Variants in ARHGEF4 observed in about 807,000 individuals in gnomAD.
ARHGEF4 encodes APC-stimulated guanine nucleotide exchange factor 1.
In ARHGEF4, 119 loss-of-function variants were observed where a neutral mutation model predicts 162.0. That is an observed-to-expected ratio of 0.73 (90% confidence interval 0.63 to 0.86). The LOEUF is 0.86. ARHGEF4 is among the 40% of genes least tolerant of loss of function. The pLI, the probability that ARHGEF4 is intolerant of heterozygous loss-of-function variation, is 0.00. For missense variants in ARHGEF4, 2,488 were observed against 2,456.0 expected (o/e 1.01, Z -0.28); for synonymous variants, 1,014 against 979.9 (o/e 1.03, Z -0.65).
chr2:131,009,557 T>G (rs1573600982), intron 4 of ARHGEF4, among the ~76,000 whole-genome samples: 1 of 152,318 alleles, frequency 6.6e-6, no homozygotes, highest in South Asian at 2.1e-4. Context: ...TTTTTTCTCT[T>G]TTTCAAATTG....
At chr2:130,955,317 T>C (rs1361239395) in intron 4 of ARHGEF4, among the ~76,000 whole-genome samples, 1 of 152,194 alleles carries the variant, frequency 6.6e-6, no homozygotes, top group Non-Finnish European at 1.5e-5. Flanking sequence ...CCCCATTGTA[T>C]GGGTCAAACT....
At chr2:130,963,654 C>A (rs907573984) in intron 4 of ARHGEF4, 8 of 146,894 alleles carry the variant, frequency 5.4e-5, no homozygotes, top group African/African-American at 2.0e-4. Context: ...TCCAGGCCTG[C>A]GTGCGCGCGT....
intron 4 of ARHGEF4, among the ~76,000 whole-genome samples, chr2:131,017,745 A>T (rs941958103): frequency 5.3e-5 from 8 of 152,202 alleles, no homozygotes; most frequent in Admixed American, 4.6e-4. Context: ...AAATTATGTG[A>T]TGTCTGGGAC....
At chr2:130,884,230 A>G (rs1228834694) in intron 1 of ARHGEF4, among the ~76,000 whole-genome samples, 1 of 143,440 alleles carries the variant, frequency 7.0e-6, no homozygotes, top group Non-Finnish European at 1.5e-5. Context: ...AACTCAATTT[A>G]TACACACACA....
intron 4 of ARHGEF4, among the ~76,000 whole-genome samples, chr2:131,027,205 A>C (rs1273481605): frequency 5.3e-5 from 8 of 152,204 alleles, no homozygotes. Flanking sequence ...CTCGTACAAC[A>C]CAAGACTGTG....
chr2:130,908,409 G>A (rs897568011), intron 1 of ARHGEF4, among the ~76,000 whole-genome samples: 5 of 152,240 alleles, frequency 3.3e-5, no homozygotes, highest in Non-Finnish European at 7.3e-5. Context: ...AGGCGTGGTG[G>A]CTCACGCCTG....
In ARHGEF4 at chr2:130,883,979, A is replaced by C. The variant is rs141609083; in HGVS notation, c.40-30007A>C. Among the ~76,000 whole-genome samples, 24 of 152,258 alleles carry C rather than the reference A, an allele frequency of 1.6e-4. No individual in the cohort carries two copies. In the East Asian group the frequency reaches 1.9e-3, roughly 12 times the overall value. On this transcript the variant is annotated intron_variant, in intron 1 of 13. Coordinates refer to ENST00000409359, the MANE Select transcript of ARHGEF4 (RefSeq NM_001367493.1). ...TTTATGTAAAGTTCATGGAATAATGAAGTGCTCCATTAATATTAACTATCG... is the reference window on the plus strand; with the variant it reads ...TTTATGTAAAGTTCATGGAATAATGCAGTGCTCCATTAATATTAACTATCG...
intron 1 of ARHGEF4, among the ~76,000 whole-genome samples, chr2:130,874,053 C>T (rs1333988924): frequency 1.3e-5 from 2 of 151,972 alleles, no homozygotes; most frequent in Admixed American, 1.3e-4. Context: ...TCAATTCAAC[C>T]CTGGTTTTTC....
In ARHGEF4 at chr2:130,971,020, G is replaced by A. The variant is rs113132934; in HGVS notation, c.3985+24385G>A. 2.4e-3 allele frequency among the ~76,000 whole-genome samples: 358 copies of A among 152,164 alleles called. 2 individuals carry two copies. Among genetic ancestry groups the A allele is most frequent in the African/African-American group, 8.0e-3 (332 of 41,528 alleles). On this transcript the variant is annotated intron_variant, in intron 4 of 13. Coordinates refer to ENST00000409359, the MANE Select transcript of ARHGEF4 (RefSeq NM_001367493.1). Reference sequence around the variant, plus strand: ...GTCACAGAGAGTTTCTTTTATGTTTGTTTCCTTCTAGAAGGTTTTACAGTT... The same window carrying A: ...GTCACAGAGAGTTTCTTTTATGTTTATTTCCTTCTAGAAGGTTTTACAGTT...
At chr2:130,838,958 C>A (rs180709275) in intron 1 of ARHGEF4, among the ~76,000 whole-genome samples, 4 of 152,292 alleles carry the variant, frequency 2.6e-5, no homozygotes, top group African/African-American at 9.6e-5. Context: ...CTGACACACA[C>A]GGTCCTCCAG....
At chr2:130,985,809 TTGTTGTGTATA>T (rs1056064840) in intron 4 of ARHGEF4, among the ~76,000 whole-genome samples, 14 of 151,442 alleles carry the variant, frequency 9.2e-5, no homozygotes, top group South Asian at 2.1e-4. Flanking sequence ...TGCATGTTTT[TTGTTGTGTATA>T]TGTTGTGTGT....
Position 131,038,918 on chromosome 2 carries a change from G to C in ARHGEF4, c.4191G>C (p.Gln1397His), listed in dbSNP as rs778121651. The stretch of plus-strand genomic sequence containing the variant: ...GGGACCATGTCACCATGGACGACCA[G>C]GAGCTGGGCTTCAAAGCTGGGGACG... Reference protein sequence around the residue: ...ALWDHVTMDDQELGFKAGDVI... With the variant: ...ALWDHVTMDDHELGFKAGDVI... The change falls in exon 6 of 14, where the codon CAG becomes CAC. Residue 1397 changes from glutamine (Q) to histidine (H), a missense_variant. By Grantham distance (24) the Gln-to-His change is conservative (BLOSUM62 0). Transcript: ENST00000409359. The C allele has an allele frequency of 6.2e-7, 1 of 1,613,714 alleles. No individual in the cohort carries two copies. The highest frequency in any genetic ancestry group is 1.1e-5 in the South Asian group (1 of 91,082).
intron 5 of ARHGEF4, among the ~76,000 whole-genome samples, chr2:131,028,757 T>C (rs959941868): frequency 2.0e-5 from 3 of 152,170 alleles, no homozygotes; most frequent in Non-Finnish European, 2.9e-5. Context: ...TTGAACGTCA[T>C]GGAAGTGTAA....
In ARHGEF4 at chr2:130,914,871, C is replaced by T; in HGVS notation, c.925C>T (p.His309Tyr). The T allele has an allele frequency of 6.7e-7, 1 of 1,486,436 alleles. No individual in the cohort carries two copies. The highest frequency in any genetic ancestry group is 1.4e-5 in the South Asian group (1 of 72,152). The allele number at this position is 1,486,436 out of a possible 1,614,324, so 92.1% of individuals were successfully genotyped here. A position where few individuals can be genotyped will look rare whatever the true frequency, so the allele number is the denominator to read the frequency against. Reference protein sequence around the residue: ...RTSCLLRTNRHHSAPETTGDK... With the variant: ...RTSCLLRTNRYHSAPETTGDK... ...ATCTTGCCTCCTACGCACCAACCGT[C>T]ACCATAGTGCCCCAGAAACTACTGG... Residue 309 changes from histidine (H) to tyrosine (Y), a missense_variant, in exon 2 of 14, where the codon CAC (histidine) becomes TAC (tyrosine). Around this residue, in one of 6 missense-constraint regions of ARHGEF4, gnomAD observed 1,642 missense variants for 1,481.5 expected, o/e 1.11. Transcript: ENST00000409359.
chr2:130,914,820 G>A lies in ARHGEF4; in HGVS notation c.874G>A (p.Val292Ile), dbSNP rs1681389316. 2 of 1,453,668 alleles carry A rather than the reference G, an allele frequency of 1.4e-6. No individual in the cohort carries two copies. The highest frequency in any genetic ancestry group is 1.5e-5 in the South Asian group (1 of 68,374). 90.0% of individuals were successfully genotyped at this position (1,453,668 alleles called of 1,614,324 possible). Residue 292 changes from valine to isoleucine, a missense_variant, in exon 2 of 14, where the codon GTC becomes ATC. Physicochemically the swap from Val to Ile is conservative, Grantham distance 29. Around this residue, in one of 6 missense-constraint regions of ARHGEF4, gnomAD observed 1,642 missense variants for 1,481.5 expected, o/e 1.11. Coordinates refer to ENST00000409359, the MANE Select transcript of ARHGEF4 (RefSeq NM_001367493.1). ...ELLWSQPHSD[V>I]PCQPPLRTSC... The stretch of plus-strand genomic sequence containing the variant: ...GCTCTGGTCCCAGCCCCACTCGGAT[G>A]TCCCCTGCCAGCCTCCTTTGAGGAC...
rs141201333 is a variant in ARHGEF4, at chr2:130,950,686, A to ACCCC, written c.3985+4054_3985+4057dup. ...AAGAAGCTCTGTACCTTTAGCTATT[A>ACCCC]CCCCCCACCACCACCCGAAGGAACC... is the stretch of plus-strand genomic sequence containing the variant. On this transcript the variant is annotated intron_variant, in intron 4 of 13. Transcript: ENST00000409359. Among the ~76,000 whole-genome samples the ACCCC allele has an allele frequency of 9.4e-3, 1,330 of 141,752 alleles. 13 individuals carry two copies. The highest frequency in any genetic ancestry group is 0.015 in the Non-Finnish European group (995 of 64,576). The allele number at this position is 141,752 out of a possible 152,430, so 93.0% of individuals were successfully genotyped here. A position where few individuals can be genotyped will look rare whatever the true frequency, so the allele number is the denominator to read the frequency against.
intron 1 of ARHGEF4, among the ~76,000 whole-genome samples, chr2:130,865,241 G>A (rs923543641): frequency 6.6e-6 from 1 of 152,218 alleles, no homozygotes; most frequent in African/African-American, 2.4e-5. Flanking sequence ...AGAGAACTGT[G>A]CATATGAGGG....
At chr2:130,976,361 G>GTGTC (rs1685715928) in intron 4 of ARHGEF4, among the ~76,000 whole-genome samples, 1 of 151,760 alleles carries the variant, frequency 6.6e-6, no homozygotes, top group South Asian at 2.1e-4. Context: ...GTGTGTGTGT[G>GTGTC]TGTGTGTGTA....
chr2:130,841,736 C>T (rs1680625133), intron 1 of ARHGEF4, among the ~76,000 whole-genome samples: 1 of 152,182 alleles, frequency 6.6e-6, no homozygotes, highest in Non-Finnish European at 1.5e-5. Context: ...CCCCTGGAGA[C>T]ATGGTTAGGG....
Sources: gnomAD v4.1 joint callset for allele counts (sites outside exome capture counted in the v4.1 genomes callset) on GRCh38, gnomAD v4.1.1 for gene constraint, gnomAD v4.1.1 regional missense constraint, MANE v1.5 for transcripts, NCBI Gene and HGNC (gene_info 2026-07-23, HGNC 2026-07-21) for gene names.